MORN3: variants seen among roughly 807,000 people sequenced by gnomAD.
The protein encoded by MORN3 is MORN repeat containing 3.
A neutral mutation model predicts 34.7 loss-of-function variants in MORN3; 38 were observed. That is an observed-to-expected ratio of 1.10 (90% confidence interval 0.85 to 1.44). The LOEUF is 1.44. Ranked by LOEUF, MORN3 falls within the 40% of genes most tolerant of loss-of-function variation. MORN3 has a pLI of 0.00. For missense variants in MORN3, 311 were observed against 321.7 expected (o/e 0.97, Z 0.25); for synonymous variants, 109 against 115.3 (o/e 0.95, Z 0.35).
At chr12:121,669,830 ATATT>A (rs1156331834), upstream of MORN3, among the ~76,000 whole-genome samples, 15 of 117,852 alleles carry the variant, frequency 1.3e-4, no homozygotes, top group Admixed American at 3.1e-4. Context: ...ATATATATAT[ATATT>A]TTTTTTTTTA....
At chr12:121,668,312 G>T (rs1893835896) in intron 1 of MORN3, among the ~76,000 whole-genome samples, 1 of 151,880 alleles carries the variant, frequency 6.6e-6, no homozygotes, top group African/African-American at 2.4e-5. Context: ...GGAGGCCGAG[G>T]CGGGCGGATC....
At chr12:121,667,445 G>T (rs1454226926) in intron 1 of MORN3, among the ~76,000 whole-genome samples, 4 of 151,770 alleles carry the variant, frequency 2.6e-5, no homozygotes, top group African/African-American at 9.7e-5. Context: ...AGTAGAGATG[G>T]GGTTTTGCCA....
At chr12:121,660,663 T>G (rs1893556247) in intron 1 of MORN3, among the ~76,000 whole-genome samples, 1 of 143,778 alleles carries the variant, frequency 7.0e-6, no homozygotes, top group Admixed American at 7.3e-5. Context: ...TTTTTCTTTC[T>G]TTCTTTCTTT....
Position 121,654,349 on chromosome 12 carries a change from A to G in MORN3, c.388T>C (p.Tyr130His), listed in dbSNP as rs781938074. The G allele has an allele frequency of 2.6e-5, 41 of 1,602,756 alleles. No homozygotes were observed. Among genetic ancestry groups the G allele is most frequent in the Non-Finnish European group, 3.5e-5 (41 of 1,175,216 alleles). The change falls in exon 3 of 6, where the codon TAT (tyrosine) becomes CAT (histidine). Residue 130 changes from tyrosine to histidine, a missense_variant. Transcript: ENST00000355329. ...GSQRSGWGRM[Y>H]YSNGDIYEGQ... ...TCGTAGATGTCGCCGTTGCTGTAATACATGCGGCCCCACCCGCTGCGCTGG... is the reference window on the plus strand; with the variant it reads ...TCGTAGATGTCGCCGTTGCTGTAATGCATGCGGCCCCACCCGCTGCGCTGG...
rs1204773414 is a variant in MORN3 at position 121,659,240 on chromosome 12, C to A, written c.254G>T (p.Gly85Val). 5 of 1,614,062 alleles carry A rather than the reference C, an allele frequency of 3.1e-6. No individual in the cohort carries two copies. In the East Asian group the frequency reaches 6.7e-5, roughly 22 times the overall value. ...GCCTGAGTAGACTCTCCTGCACTTT[C>A]CTGTCTGTTGGTCAGGAAGGCTGAG... The part of the protein sequence containing the change: ...GTLSLPDQQT[G>V]KCRRVYSGWW... Residue 85 changes from glycine to valine, a missense_variant, in exon 2 of 6, where the codon GGA (glycine) becomes GTA (valine). Physicochemically the swap from Gly to Val is moderately radical, Grantham distance 109. Coordinates refer to ENST00000355329, the MANE Select transcript of MORN3 (RefSeq NM_173855.5).
chr12:121,669,587 AG>A lies in MORN3; in HGVS notation c.-105del. 1 of 1,496,332 alleles carries A rather than the reference AG, an allele frequency of 6.7e-7. No homozygotes were observed. Among genetic ancestry groups the A allele is most frequent in the Non-Finnish European group, 9.1e-7 (1 of 1,095,582 alleles). 92.7% of individuals were successfully genotyped at this position (1,496,332 alleles called of 1,614,324 possible). A position where few individuals can be genotyped will look rare whatever the true frequency, so the allele number is the denominator to read the frequency against. ...CGGGATCCTGAGCTCAAGTGGGGAG[AG>A]TCATGTGTGTTCTGAGTCCCTGGGG... On this transcript the variant is annotated 5_prime_UTR_variant, in exon 1 of 6. An upstream open reading frame in the 5' UTR loses its in-frame stop. Transcript: ENST00000355329.
upstream of MORN3, among the ~76,000 whole-genome samples, chr12:121,671,399 C>A (rs1321017862): frequency 7.9e-6 from 1 of 126,116 alleles, no homozygotes; most frequent in Non-Finnish European, 1.6e-5. Context: ...GAGCAAGACT[C>A]CATCTCAAAA....
Position 121,654,273 on chromosome 12 carries a change from C to G in MORN3, c.463+1G>C, listed in dbSNP as rs1555325449. On this transcript the variant is annotated splice_donor_variant, in intron 3 of 5. Transcript: ENST00000355329. LOFTEE classifies it high-confidence loss of function. Reference sequence around the variant, plus strand: ...GGGGCCGGCGGGGGTGGGGCACTCACTCAGGCGCAGCATGCCCTCCCCGTT... The same window carrying G: ...GGGGCCGGCGGGGGTGGGGCACTCAGTCAGGCGCAGCATGCCCTCCCCGTT... 6.4e-7 allele frequency: 1 copy of G among 1,562,486 alleles called. No homozygotes were observed. The highest frequency in any genetic ancestry group is 8.7e-7 in the Non-Finnish European group (1 of 1,155,038).
intron 1 of MORN3, among the ~76,000 whole-genome samples, chr12:121,661,289 A>G (rs564786787): frequency 5.3e-5 from 8 of 152,204 alleles, no homozygotes; most frequent in Admixed American, 1.3e-4. Flanking sequence ...GGGTCTTGCT[A>G]TGTTACCCAG....
In MORN3 at chr12:121,654,406, T is replaced by G; in HGVS notation, c.331A>C (p.Lys111Gln). The G allele has an allele frequency of 6.3e-7, 1 of 1,598,048 alleles. No homozygotes were observed. The highest frequency in any genetic ancestry group is 8.5e-7 in the Non-Finnish European group (1 of 1,172,512). ...CACCAGTCACCCTCATAATACTCCT[T>G]GGGTCCGAAAAACTGGATCCCATAA... ...SGYGIQFFGP[K>Q]EYYEGDWCGS... is the part of the protein sequence containing the mutation. The change falls in exon 3 of 6, where the codon AAG becomes CAG. Residue 111 changes from lysine (K) to glutamine (Q), a missense_variant. Transcript: ENST00000355329.
chr12:121,659,079 A>G, intron 2 of MORN3, 112 bp downstream of exon 2: 43 of 1,134,506 alleles, frequency 3.8e-5, no homozygotes, highest in Non-Finnish European at 4.7e-5. Flanking sequence ...TCCTCCCTGT[A>G]GACCTCCCCT....
intron 3 of MORN3, among the ~76,000 whole-genome samples, chr12:121,653,651 G>A (rs1012616016): frequency 3.3e-5 from 5 of 152,020 alleles, no homozygotes; most frequent in Admixed American, 2.6e-4. Context: ...GGGATTACAG[G>A]TGTATACCAC....
At chr12:121,669,942 C>T (rs1049900518), upstream of MORN3, among the ~76,000 whole-genome samples, 1 of 151,370 alleles carries the variant, frequency 6.6e-6, no homozygotes, top group African/African-American at 2.4e-5. Flanking sequence ...GGCACCATCT[C>T]GGCTTACTAC....
At chr12:121,656,566 G>A (rs1893423330) in intron 2 of MORN3, among the ~76,000 whole-genome samples, 1 of 152,066 alleles carries the variant, frequency 6.6e-6, no homozygotes, top group African/African-American at 2.4e-5. Flanking sequence ...CCAGGCTGAA[G>A]TGCAGTGGCG....
At chr12:121,670,866 T>A (rs1893942683), upstream of MORN3, among the ~76,000 whole-genome samples, 1 of 151,642 alleles carries the variant, frequency 6.6e-6, no homozygotes, top group Non-Finnish European at 1.5e-5. Flanking sequence ...TCCCCAGCAC[T>A]TTGGGAGGCC....
chr12:121,659,188 C>G lies in MORN3; in HGVS notation c.303+3G>C, dbSNP rs368068254. ...ACACACCCCGGCTGGCAGGCCTGCT[C>G]ACCGATTTCTTATCACCTTTCCACC... On this transcript the variant is annotated splice_donor_region_variant and intron_variant, in intron 2 of 5. Transcript: ENST00000355329. 155 of 1,611,390 alleles carry G rather than the reference C, an allele frequency of 9.6e-5. No homozygotes were observed. In the African/African-American group the frequency reaches 1.9e-3, roughly 19 times the overall value.
upstream of MORN3, among the ~76,000 whole-genome samples, chr12:121,670,445 AGAGT>A (rs1237462311): frequency 6.6e-6 from 1 of 152,188 alleles, no homozygotes; most frequent in Non-Finnish European, 1.5e-5. Flanking sequence ...CTTGGATGAC[AGAGT>A]GAGAACTTTT....
chr12:121,657,989 C>A (rs1307928736), intron 2 of MORN3, among the ~76,000 whole-genome samples: 1 of 152,066 alleles, frequency 6.6e-6, no homozygotes. Flanking sequence ...GTCTGGGGAG[C>A]AAGAAGACAG....
At chr12:121,672,475 CAAAAA>C (rs1382222680), upstream of MORN3, 1 of 152,196 alleles carries the variant, frequency 6.6e-6, no homozygotes, top group South Asian at 2.1e-4. Context: ...AAAAACAAAA[CAAAAA>C]ACCCACAGTG....
Sources: allele counts gnomAD v4.1 joint callset (sites outside exome capture counted in the v4.1 genomes callset), GRCh38; gene constraint gnomAD v4.1.1; transcripts MANE v1.5; gene names NCBI Gene and HGNC (gene_info 2026-07-23, HGNC 2026-07-21).